B3GLCT: variants seen among roughly 807,000 people sequenced by gnomAD.
B3GLCT encodes beta 3-glucosyltransferase.
Under a neutral mutation model 63.4 loss-of-function variants are expected in B3GLCT, and 65 were observed. The observed-to-expected ratio is 1.03, with a 90% CI of 0.84 to 1.26. B3GLCT has a LOEUF of 1.26. B3GLCT is among the 50% of genes most tolerant of loss of function. B3GLCT has a pLI of 0.00. For missense variants in B3GLCT, 577 were observed against 604.8 expected (o/e 0.95, Z 0.48); for synonymous variants, 233 against 219.2 (o/e 1.06, Z -0.55).
chr13:31,295,423 C>T (rs1229041236), intron 12 of B3GLCT, among the ~76,000 whole-genome samples: 3 of 152,216 alleles, frequency 2.0e-5, no homozygotes, highest in African/African-American at 7.2e-5. Flanking sequence ...ACTGCCACCC[C>T]TTCCCCCAGG....
chr13:31,246,317 C>T (rs918889628), intron 4 of B3GLCT, among the ~76,000 whole-genome samples: 23 of 152,134 alleles, frequency 1.5e-4, no homozygotes, highest in East Asian at 5.8e-4. Context: ...AGCTAACACT[C>T]GTAGCCTTAA....
At chr13:31,222,898 G>C (rs1869890228) in intron 2 of B3GLCT, 54 bp from the exon 3 acceptor site, 2 of 1,197,018 alleles carry the variant, frequency 1.7e-6, no homozygotes, top group African/African-American at 3.0e-5. Flanking sequence ...TCAGTGTACT[G>C]CTGGCTTTGT....
Position 31,215,078 on chromosome 13 carries a change from A to G in B3GLCT, c.98A>G (p.Lys33Arg). ...TTTGGTTTGGCTTCTGAAGATACAA[A>G]GAAAGAGGTCAAGCAGTCTCAGGTA... ...LAFGLASEDT[K>R]KEVKQSQDLE... Residue 33 changes from lysine (K) to arginine (R), a missense_variant, in exon 2 of 15, where the codon AAG becomes AGG. Transcript: ENST00000343307. 6.2e-7 allele frequency: 1 copy of G among 1,611,096 alleles called. No homozygotes were observed. The highest frequency in any genetic ancestry group is 8.5e-7 in the Non-Finnish European group (1 of 1,179,746).
At position 31,331,696 on chromosome 13, in the gene B3GLCT, A is replaced by G. The variant is rs1347960962; in HGVS notation, c.*2028A>G. On this transcript the variant is annotated 3_prime_UTR_variant, in exon 15 of 15. Coordinates refer to ENST00000343307, the MANE Select transcript of B3GLCT (RefSeq NM_194318.4). ...TAAGAGAAAACCATCAGAAATTGAT[A>G]ATGTTTATATAAAGTTTATAAAGCC... 6.6e-6 allele frequency: 1 copy of G among 152,252 alleles called. No homozygotes were observed. The highest frequency in any genetic ancestry group is 2.4e-5 in the African/African-American group (1 of 41,474). 9.4% of individuals were successfully genotyped at this position (152,252 alleles called of 1,614,324 possible).
At chr13:31,249,413 G>A (rs532157195) in intron 6 of B3GLCT, among the ~76,000 whole-genome samples, 25 of 128,346 alleles carry the variant, frequency 1.9e-4, no homozygotes, top group Non-Finnish European at 1.6e-5. Context: ...ACCAGCATCT[G>A]TGCACTTTCT....
At chr13:31,249,309 A>G (rs1295766889) in intron 6 of B3GLCT, among the ~76,000 whole-genome samples, 1 of 152,242 alleles carries the variant, frequency 6.6e-6, no homozygotes, top group Admixed American at 6.5e-5. Flanking sequence ...AGCTTTAGAT[A>G]TAATTGGATG....
chr13:31,305,278 C>A (rs1311860254), intron 12 of B3GLCT, among the ~76,000 whole-genome samples: 1 of 104,832 alleles, frequency 9.5e-6, no homozygotes, highest in Non-Finnish European at 2.0e-5. Context: ...ACTAGAAAAG[C>A]AAGAGCAAAC....
At chr13:31,242,760 A>C (rs562431323) in intron 4 of B3GLCT, among the ~76,000 whole-genome samples, 42 of 152,400 alleles carry the variant, frequency 2.8e-4, no homozygotes, top group Non-Finnish European at 5.4e-4. Flanking sequence ...TTTTCAAAGT[A>C]AATTGTTCAT....
At chr13:31,310,340 G>A (rs1370879229) in intron 12 of B3GLCT, among the ~76,000 whole-genome samples, 1 of 152,212 alleles carries the variant, frequency 6.6e-6, no homozygotes. Flanking sequence ...ACTCTCCAGT[G>A]TCTGTGTAAC....
chr13:31,271,250 A>G (rs1872563700), intron 8 of B3GLCT, among the ~76,000 whole-genome samples: 1 of 152,230 alleles, frequency 6.6e-6, no homozygotes, highest in South Asian at 2.1e-4. Flanking sequence ...CACCTCTATC[A>G]CAAATAACTG....
At chr13:31,207,024 A>C (rs1191596261) in intron 1 of B3GLCT, among the ~76,000 whole-genome samples, 2 of 152,160 alleles carry the variant, frequency 1.3e-5, no homozygotes, top group African/African-American at 4.8e-5. Context: ...GCAATATACA[A>C]ATAAGTTTCT....
intron 2 of B3GLCT, among the ~76,000 whole-genome samples, chr13:31,219,968 A>G (rs559575890): frequency 6.6e-6 from 1 of 152,352 alleles, no homozygotes; most frequent in African/African-American, 2.4e-5. Context: ...GCATTTTACT[A>G]TCTTGTTCAA....
intron 12 of B3GLCT, among the ~76,000 whole-genome samples, chr13:31,296,761 T>A (rs1016508526): frequency 2.6e-4 from 39 of 152,138 alleles, no homozygotes; most frequent in Admixed American, 9.2e-4. Context: ...CTTTTTTTTT[T>A]AATTGTGGTA....
At chr13:31,238,692 A>G (rs1010723363) in intron 4 of B3GLCT, among the ~76,000 whole-genome samples, 1 of 152,218 alleles carries the variant, frequency 6.6e-6, no homozygotes, top group Non-Finnish European at 1.5e-5. Flanking sequence ...CTGTAGTCCC[A>G]CCTACTCAGG....
intron 4 of B3GLCT, among the ~76,000 whole-genome samples, chr13:31,235,485 G>T (rs1034221595): frequency 3.9e-5 from 6 of 151,922 alleles, no homozygotes; most frequent in Admixed American, 3.3e-4. Context: ...CAGAGAGGAG[G>T]GGCAGTGTGG....
Position 31,221,558 on chromosome 13 carries a change from A to G in B3GLCT, c.121-1394A>G, listed in dbSNP as rs938882946. ...GTGAGAGTTAACAAATCAGCATATA[A>G]CTATAGGTTCTCCTCTACTCAGTGG... On this transcript the variant is annotated intron_variant, in intron 2 of 14. Transcript: ENST00000343307. 5.3e-5 allele frequency among the ~76,000 whole-genome samples: 8 copies of G among 152,192 alleles called. No homozygotes were observed. In the East Asian group the frequency reaches 1.5e-3, roughly 29 times the overall value.
chr13:31,215,574 C>T (rs969951123), intron 2 of B3GLCT, among the ~76,000 whole-genome samples: 13 of 152,072 alleles, frequency 8.5e-5, no homozygotes, highest in South Asian at 2.1e-4. Flanking sequence ...CCACCATGCC[C>T]GGCTAATTTT....
rs1555255278 is a variant in B3GLCT at position 31,316,431 on chromosome 13, A to ATATATATATATATAT, written c.1065-1135_1065-1134insTATATATATATATAT. ...TTTATATATATATATATATATATAT[A>ATATATATATATATAT]AATTTTTTTTTTTTGAGACGGAGTT... On this transcript the variant is annotated intron_variant, in intron 12 of 14. Coordinates refer to ENST00000343307, the MANE Select transcript of B3GLCT (RefSeq NM_194318.4). Among the ~76,000 whole-genome samples, 435 of 109,920 alleles carry ATATATATATATATAT rather than the reference A, an allele frequency of 4.0e-3. 5 individuals carry two copies. The highest frequency in any genetic ancestry group is 0.011 in the African/African-American group (319 of 29,474). The allele number at this position is 109,920 out of a possible 152,430, so 72.1% of individuals were successfully genotyped here. A position where few individuals can be genotyped will look rare whatever the true frequency, so the allele number is the denominator to read the frequency against.
In B3GLCT at chr13:31,224,929, C is replaced by T. The variant is rs558253887; in HGVS notation, c.160+1938C>T. Among the ~76,000 whole-genome samples the T allele has an allele frequency of 2.6e-5, 4 of 152,268 alleles. No individual in the cohort carries two copies. In the South Asian group the frequency reaches 8.3e-4, roughly 32 times the overall value. ...CAGTGCTTGGCCCATGGTAGGTGCT[C>T]AGCAACTGAAGACATAGAGAGCATT... is the stretch of plus-strand genomic sequence containing the variant. On this transcript the variant is annotated intron_variant, in intron 3 of 14. Coordinates refer to ENST00000343307, the MANE Select transcript of B3GLCT (RefSeq NM_194318.4).
Sources: gnomAD v4.1 joint callset for allele counts (sites outside exome capture counted in the v4.1 genomes callset) on GRCh38, gnomAD v4.1.1 for gene constraint, MANE v1.5 for transcripts, NCBI Gene and HGNC (gene_info 2026-07-23, HGNC 2026-07-21) for gene names.